SEMA3A: variants seen among roughly 807,000 people sequenced by gnomAD.
The protein encoded by SEMA3A is semaphorin-3A.
SEMA3A carries 29 observed loss-of-function variants against 97.9 expected under a neutral mutation model. The ratio of observed to expected loss-of-function variants is 0.30; its 90% CI spans 0.22 to 0.40. SEMA3A has a LOEUF of 0.40. Ranked by LOEUF, SEMA3A falls within the 10% of genes least tolerant of loss-of-function variation. The pLI is 1.00. For missense variants in SEMA3A, 763 were observed against 951.3 expected, an observed-to-expected ratio of 0.80 and a Z score of 2.60; for synonymous variants, 321 against 323.7, an observed-to-expected ratio of 0.99 and a Z score of 0.09.
chr7:84,222,884 T>G (rs956138293), intron 3 of SEMA3A, among the ~76,000 whole-genome samples: 14 of 152,034 alleles, frequency 9.2e-5, no homozygotes, highest in African/African-American at 3.4e-4. Context: ...AGAAACTTGC[T>G]CATTCAGGAT....
intron 1 of SEMA3A, among the ~76,000 whole-genome samples, chr7:84,452,323 T>C (rs1201544445): frequency 6.6e-6 from 1 of 152,214 alleles, no homozygotes; most frequent in African/African-American, 2.4e-5. Flanking sequence ...TTATTTTGGA[T>C]GAGTGACGTG....
chr7:84,450,967 ACT>A (rs1460395902), intron 1 of SEMA3A, among the ~76,000 whole-genome samples: 4 of 151,880 alleles, frequency 2.6e-5, no homozygotes, highest in Admixed American at 2.6e-4. Flanking sequence ...TTGCCTTTTC[ACT>A]CTGTTAATTG....
At chr7:83,999,266 G>GTTTAAATTGACATCT (rs1790341482) in intron 12 of SEMA3A, among the ~76,000 whole-genome samples, 1 of 152,020 alleles carries the variant, frequency 6.6e-6, no homozygotes, top group African/African-American at 2.4e-5. Flanking sequence ...TAGTAGGTCA[G>GTTTAAATTGACATCT]TTTAAATTGA....
chr7:84,295,163 G>GT (rs1323625612), intron 3 of SEMA3A, among the ~76,000 whole-genome samples: 1 of 151,972 alleles, frequency 6.6e-6, no homozygotes, highest in African/African-American at 2.4e-5. Context: ...GATTTAGAAG[G>GT]TACCTCTGTC....
intron 1 of SEMA3A, among the ~76,000 whole-genome samples, chr7:84,165,377 A>C (rs115627318): frequency 0.012 from 1,898 of 152,278 alleles, 53 homozygotes; most frequent in African/African-American, 0.043. Context: ...AAATCATTAT[A>C]ACTATGTAAT....
At chr7:84,383,945 C>G (rs541973875) in intron 1 of SEMA3A, among the ~76,000 whole-genome samples, 1 of 152,316 alleles carries the variant, frequency 6.6e-6, no homozygotes, top group South Asian at 2.1e-4. Context: ...ACAGGTATCT[C>G]CTTTTTCCTG....
intron 2 of SEMA3A, among the ~76,000 whole-genome samples, chr7:84,331,706 G>A (rs62472595): frequency 2.0e-5 from 3 of 151,622 alleles, no homozygotes; most frequent in Non-Finnish European, 2.9e-5. Flanking sequence ...GCTGCTGTTT[G>A]GGAAAAAAAA....
intron 3 of SEMA3A, among the ~76,000 whole-genome samples, chr7:84,301,691 G>C (rs1258365475): frequency 6.6e-6 from 1 of 152,096 alleles, no homozygotes; most frequent in Admixed American, 6.6e-5. Flanking sequence ...TTCTGCCTTT[G>C]TAATATGAAA....
chr7:84,095,508 A>G (rs1175940433), intron 4 of SEMA3A, among the ~76,000 whole-genome samples: 1 of 150,664 alleles, frequency 6.6e-6, no homozygotes, highest in Non-Finnish European at 1.5e-5. Context: ...TTGGACTAGT[A>G]AGGTCTGAGG....
intron 6 of SEMA3A, among the ~76,000 whole-genome samples, chr7:84,016,411 T>G (rs928623572): frequency 6.6e-6 from 1 of 151,760 alleles, no homozygotes; most frequent in Non-Finnish European, 1.5e-5. Context: ...GGTGGCGGGC[T>G]CCTGTAGTCC....
At chr7:84,127,198 T>C (rs1795826512) in intron 3 of SEMA3A, among the ~76,000 whole-genome samples, 1 of 151,964 alleles carries the variant, frequency 6.6e-6, no homozygotes, top group Admixed American at 6.6e-5. Context: ...TGGTCCAGTT[T>C]TCACAAGAAT....
intron 3 of SEMA3A, among the ~76,000 whole-genome samples, chr7:84,240,333 T>C (rs1799328320): frequency 6.6e-6 from 1 of 152,058 alleles, no homozygotes; most frequent in Non-Finnish European, 1.5e-5. Flanking sequence ...GCAGATATGA[T>C]TAAGTTAACG....
intron 12 of SEMA3A, among the ~76,000 whole-genome samples, chr7:83,986,426 A>G (rs1789637824): frequency 6.6e-6 from 1 of 152,210 alleles, no homozygotes; most frequent in African/African-American, 2.4e-5. Context: ...TCTGGAGCTT[A>G]TCATGAATGC....
In SEMA3A at chr7:84,194,568, T is replaced by A; in HGVS notation, c.19A>T (p.Ile7Phe). The A allele has an allele frequency of 6.2e-7, 1 of 1,611,972 alleles. No homozygotes were observed. The highest frequency in any genetic ancestry group is 8.5e-7 in the Non-Finnish European group (1 of 1,178,126). The change falls in exon 1 of 17, where the codon ATT (isoleucine) becomes TTT (phenylalanine). Residue 7 changes from isoleucine to phenylalanine, a missense_variant. Ile to Phe is a conservative substitution (Grantham distance 21). Transcript: ENST00000265362. ...AATACTCCCCAGAAAAGACAGACAATCCTAGTTAACCAGCCCATGCTGCAG... is the reference window on the plus strand; with the variant it reads ...AATACTCCCCAGAAAAGACAGACAAACCTAGTTAACCAGCCCATGCTGCAG... MGWLTR[I>F]VCLFWGVLLT... is the part of the protein sequence containing the mutation.
chr7:84,019,354 C>A, intron 6 of SEMA3A, among the ~76,000 whole-genome samples: 2 of 149,152 alleles, frequency 1.3e-5, no homozygotes, highest in South Asian at 2.1e-4. Context: ...GAAACTGAGC[C>A]AGTGGAGTGA....
chr7:84,098,712 A>G (rs1794854532), intron 4 of SEMA3A, among the ~76,000 whole-genome samples: 4 of 152,106 alleles, frequency 2.6e-5, no homozygotes, highest in Admixed American at 1.3e-4. Context: ...AGTGTTTAGA[A>G]CTAAGTATTA....
chr7:84,145,908 T>C (rs554957372), intron 1 of SEMA3A, among the ~76,000 whole-genome samples: 46 of 152,300 alleles, frequency 3.0e-4, no homozygotes, highest in African/African-American at 1.0e-3. Context: ...TAACAGCAGT[T>C]TGCAGTCCCT....
At chr7:84,428,449 A>T (rs1804883750) in intron 1 of SEMA3A, among the ~76,000 whole-genome samples, 1 of 152,078 alleles carries the variant, frequency 6.6e-6, no homozygotes, top group African/African-American at 2.4e-5. Flanking sequence ...CATAACAGCT[A>T]TCCATCACAT....
intron 3 of SEMA3A, among the ~76,000 whole-genome samples, chr7:84,121,561 T>G (rs1471643137): frequency 1.4e-5 from 2 of 146,860 alleles, no homozygotes; most frequent in African/African-American, 5.1e-5. Flanking sequence ...TTTGGCTGCA[T>G]AGTATTCCAC....
Sources: gnomAD v4.1 joint callset for allele counts (sites outside exome capture counted in the v4.1 genomes callset) on GRCh38, gnomAD v4.1.1 for gene constraint, MANE v1.5 for transcripts, NCBI Gene and HGNC (gene_info 2026-07-23, HGNC 2026-07-21) for gene names.